The following SETX variants were observed in gnomAD, a reference collection of about 807,000 sequenced individuals.
SETX encodes helicase senataxin.
Under a neutral mutation model 227.2 loss-of-function variants are expected in SETX, and 90 were observed. The ratio of observed to expected loss-of-function variants is 0.40; its 90% CI spans 0.33 to 0.47. SETX has a LOEUF of 0.47. SETX is among the 20% of genes least tolerant of loss of function. The pLI is 0.91. For synonymous variants in SETX, 1,210 were observed against 1,113.2 expected, an observed-to-expected ratio of 1.09 and a Z score of -1.73; for missense variants, 3,052 against 3,181.5, an observed-to-expected ratio of 0.96 and a Z score of 0.98.
Position 132,329,361 on chromosome 9 carries a change from A to G in SETX, c.2237T>C (p.Leu746Ser). ...AGCATCAGTGCTAGAATCAGTCAAC[A>G]AACGTGTTGATACTATTATTCCTCT... ...CDRGIIVSTR[L>S]LTDSSTDALE... Residue 746 changes from leucine to serine, a missense_variant, in exon 10 of 26, where the codon TTG (leucine) becomes TCG (serine). Coordinates refer to ENST00000224140, the MANE Select transcript of SETX (RefSeq NM_015046.7). 1.2e-6 allele frequency: 2 copies of G among 1,614,040 alleles called. No homozygotes were observed. Among genetic ancestry groups the G allele is most frequent in the African/African-American group, 2.7e-5 (2 of 75,066 alleles).
At chr9:132,313,310 T>C (rs912974392) in intron 10 of SETX, among the ~76,000 whole-genome samples, 1 of 152,228 alleles carries the variant, frequency 6.6e-6, no homozygotes, top group Non-Finnish European at 1.5e-5. Context: ...ACTAAAATTT[T>C]ATCACAAGAG....
At chr9:132,333,383 GA>G (rs1239660225) in intron 7 of SETX, among the ~76,000 whole-genome samples, 40 of 7,344 alleles carry the variant, frequency 5.4e-3, no homozygotes, top group African/African-American at 0.027. Flanking sequence ...GTCTCAAAAA[GA>G]AAAAAAAAAA....
intron 11 of SETX, among the ~76,000 whole-genome samples, chr9:132,301,528 C>A (rs1162905029): frequency 1.3e-5 from 2 of 152,034 alleles, no homozygotes; most frequent in Non-Finnish European, 2.9e-5. Flanking sequence ...CAACAGTGGT[C>A]CCATAAGATT....
At chr9:132,280,848 CAGAGA>C (rs1048924730) in intron 20 of SETX, among the ~76,000 whole-genome samples, 1 of 152,114 alleles carries the variant, frequency 6.6e-6, no homozygotes, top group Non-Finnish European at 1.5e-5. Flanking sequence ...AAAAAACCAA[CAGAGA>C]AGAGTAGACT....
Position 132,276,908 on chromosome 9 carries a change from C to T in SETX, c.6935+152G>A. On this transcript the variant is annotated intron_variant, in intron 22 of 25. Transcript: ENST00000224140. ...ATTAGGTAATATTATCCCCATTATACAGAAAAAAGAAGCATCAACTTAAGT... is the reference window on the plus strand; with the variant it reads ...ATTAGGTAATATTATCCCCATTATATAGAAAAAAGAAGCATCAACTTAAGT... The T allele has an allele frequency of 4.2e-6, 3 of 722,010 alleles. No individual in the cohort carries two copies. The South Asian group carries it at 4.5e-5, about 11-fold the overall frequency. 44.7% of individuals were successfully genotyped at this position (722,010 alleles called of 1,614,324 possible).
intron 25 of SETX, among the ~76,000 whole-genome samples, chr9:132,267,018 T>C (rs1042249325): frequency 3.3e-5 from 5 of 152,208 alleles, no homozygotes; most frequent in African/African-American, 1.2e-4. Context: ...GATAAGAATA[T>C]GGTAAAAATC....
chr9:132,288,348 T>C lies in SETX; in HGVS notation c.6212A>G (p.Lys2071Arg). ...CGCCTGAACATGAGAAGGTAACTCT[T>C]TTTCTAATAAAAATAACAAATAAAA... The part of the protein sequence containing the change: ...LDSQVNHRMK[K>R]ELPSHVQAMH... The change falls in exon 17 of 26, where the codon AAA (lysine) becomes AGA (arginine). Residue 2071 changes from lysine (K) to arginine (R), a missense_variant. This residue lies in a region of SETX where 412 missense variants were observed against 589.0 expected (regional missense o/e 0.70). Coordinates refer to ENST00000224140, the MANE Select transcript of SETX (RefSeq NM_015046.7). The C allele has an allele frequency of 6.2e-7, 1 of 1,607,704 alleles. No homozygotes were observed. Among genetic ancestry groups the C allele is most frequent in the Non-Finnish European group, 8.5e-7 (1 of 1,174,678 alleles).
In SETX at chr9:132,346,549, C is replaced by CA. The variant is rs111374587; in HGVS notation, c.178-79_178-78insT. On this transcript the variant is annotated intron_variant, in intron 3 of 25. Coordinates refer to ENST00000224140, the MANE Select transcript of SETX (RefSeq NM_015046.7). ...ACACTGAATGTGACGACCTAGAAAG[C>CA]CTTTTCCTAAGTACAAAAATTCTGA... The CA allele has an allele frequency of 3.7e-4, 383 of 1,036,184 alleles. 3 individuals are homozygous for CA. The African/African-American group carries it at 5.0e-3, about 13-fold the overall frequency. 64.2% of individuals were successfully genotyped at this position (1,036,184 alleles called of 1,614,324 possible). A position where few individuals can be genotyped will look rare whatever the true frequency, so the allele number is the denominator to read the frequency against.
Position 132,298,068 on chromosome 9 carries a change from A to G in SETX, c.5781+12T>C. The G allele has an allele frequency of 6.5e-7, 1 of 1,527,332 alleles. No homozygotes were observed. Among genetic ancestry groups the G allele is most frequent in the Non-Finnish European group, 8.8e-7 (1 of 1,139,916 alleles). 94.6% of individuals were successfully genotyped at this position (1,527,332 alleles called of 1,614,324 possible). ...AACATGAAATTATCTAGTATCATAC[A>G]TCATCACTCACAATTCTCTCAGATG... On this transcript the variant is annotated intron_variant, in intron 13 of 25. Transcript: ENST00000224140.
In SETX at chr9:132,286,343, T is replaced by C. The variant is rs59825291; in HGVS notation, c.6396+80A>G. The C allele has an allele frequency of 9.2e-3, 9,342 of 1,016,730 alleles. 604 individuals carry two copies. The African/African-American group carries it at 0.14, about 15-fold the overall frequency. 63.0% of individuals were successfully genotyped at this position (1,016,730 alleles called of 1,614,324 possible). A position where few individuals can be genotyped will look rare whatever the true frequency, so the allele number is the denominator to read the frequency against. On this transcript the variant is annotated intron_variant, in intron 18 of 25. Coordinates refer to ENST00000224140, the MANE Select transcript of SETX (RefSeq NM_015046.7). Reference sequence around the variant, plus strand: ...TCCAAAATAAATAAATAAAAGCCCATAGCTTGTCTGAACAGTCATACTTAA... The same window carrying C: ...TCCAAAATAAATAAATAAAAGCCCACAGCTTGTCTGAACAGTCATACTTAA...
In SETX at chr9:132,336,478, C is replaced by T. The variant is rs372622704; in HGVS notation, c.536G>A (p.Gly179Glu). 8.1e-6 allele frequency: 13 copies of T among 1,614,080 alleles called. No individual in the cohort carries two copies. Among genetic ancestry groups the T allele is most frequent in the African/African-American group, 1.3e-5 (1 of 75,014 alleles). Reference sequence around the variant, plus strand: ...ATAATAATCATCTCTGTCCACTTTCCCCAAGTTTCTTGCAGTCAAGATAGC... The same window carrying T: ...ATAATAATCATCTCTGTCCACTTTCTCCAAGTTTCTTGCAGTCAAGATAGC... ...RWAILTARNL[G>E]KVDRDDYYDL... Residue 179 changes from glycine to glutamate, a missense_variant, in exon 6 of 26, where the codon GGG (glycine) becomes GAG (glutamate). Gly to Glu is a moderately conservative substitution (Grantham distance 98). This residue lies in a region of SETX where 239 missense variants were observed against 240.8 expected (regional missense o/e 0.99). Coordinates refer to ENST00000224140, the MANE Select transcript of SETX (RefSeq NM_015046.7).
rs200153024 is a variant in SETX at position 132,329,316 on chromosome 9, G to C, written c.2282C>G (p.Ser761Trp). 6.8e-6 allele frequency: 11 copies of C among 1,613,752 alleles called. No homozygotes were observed. The highest frequency in any genetic ancestry group is 1.1e-5 in the South Asian group (1 of 91,008). Residue 761 changes from serine (S) to tryptophan (W), a missense_variant, in exon 10 of 26, where the codon TCG becomes TGG. This residue lies in a region of SETX where 1,483 missense variants were observed against 1,312.0 expected (regional missense o/e 1.13). Coordinates refer to ENST00000224140, the MANE Select transcript of SETX (RefSeq NM_015046.7). ...ATCCTTTAAAGAGAAATCTTCATTC[G>C]ATGTGGACACTTTTTCCAAAGCATC... ...STDALEKVST[S>W]NEDFSLKDDA...
intron 11 of SETX, among the ~76,000 whole-genome samples, chr9:132,301,087 G>GC (rs1491456840): frequency 3.9e-5 from 5 of 128,674 alleles, no homozygotes; most frequent in African/African-American, 1.5e-4. Context: ...GGTTTATTCT[G>GC]CTTTTTTTTT....
In SETX at chr9:132,354,763, C is replaced by A. The variant is rs193035786; in HGVS notation, c.-115+154G>T. 0.01 allele frequency among the ~76,000 whole-genome samples: 1,566 copies of A among 151,570 alleles called. 29 individuals carry two copies. The highest frequency in any genetic ancestry group is 0.036 in the African/African-American group (1,503 of 41,326). On this transcript the variant is annotated intron_variant, in intron 1 of 25. Transcript: ENST00000224140. ...TCGAGGGGTGCTCCCGCCCCCGCAC[C>A]GAGGGAAGCGGCCGAGCCCGCGCCG...
chr9:132,339,972 A>G (rs1564560807), intron 5 of SETX, among the ~76,000 whole-genome samples: 3 of 152,138 alleles, frequency 2.0e-5, no homozygotes. Flanking sequence ...GACGTCTTAC[A>G]TCTTTGTTAA....
intron 5 of SETX, among the ~76,000 whole-genome samples, chr9:132,341,634 C>T (rs1847971367): frequency 6.6e-6 from 1 of 152,120 alleles, no homozygotes; most frequent in African/African-American, 2.4e-5. Context: ...CAAGACCAGA[C>T]CTGCTTCCTC....
chr9:132,266,433 T>A (rs1282078790), intron 25 of SETX, among the ~76,000 whole-genome samples: 2 of 152,182 alleles, frequency 1.3e-5, no homozygotes, highest in African/African-American at 4.8e-5. Context: ...CCTGAAAACC[T>A]TCTACAGACA....
intron 14 of SETX, 41 bp downstream of exon 14, chr9:132,296,846 T>C (rs770112326): frequency 1.3e-6 from 2 of 1,584,612 alleles, no homozygotes; most frequent in Non-Finnish European, 1.7e-6. Context: ...AGTAAAATGA[T>C]ACAGCTAGTT....
intron 15 of SETX, among the ~76,000 whole-genome samples, chr9:132,290,912 T>G (rs1012859766): frequency 3.3e-5 from 5 of 152,062 alleles, no homozygotes; most frequent in Admixed American, 2.6e-4. Flanking sequence ...ATGTAGAGTT[T>G]GTCAGCATTT....
Sources: allele counts gnomAD v4.1 joint callset (sites outside exome capture counted in the v4.1 genomes callset), GRCh38; gene constraint gnomAD v4.1.1; regional missense constraint gnomAD v4.1.1; transcripts MANE v1.5; gene names NCBI Gene and HGNC (gene_info 2026-07-23, HGNC 2026-07-21).